Variants in ATP8A1 observed in about 807,000 individuals in gnomAD.
The protein encoded by ATP8A1 is phospholipid-transporting ATPase IA.
In ATP8A1, 90 loss-of-function variants were observed where a neutral mutation model predicts 177.7. The ratio of observed to expected loss-of-function variants is 0.51; its 90% CI spans 0.43 to 0.60. The LOEUF is 0.60. ATP8A1 is among the 20% of genes least tolerant of loss of function. The pLI is 0.00. For missense variants in ATP8A1, 1,072 were observed against 1,392.8 expected (o/e 0.77, Z 3.67); for synonymous variants, 493 against 485.9 (o/e 1.01, Z -0.19).
intron 25 of ATP8A1, among the ~76,000 whole-genome samples, chr4:42,477,994 C>A (rs1721260342): frequency 6.6e-6 from 1 of 151,562 alleles, no homozygotes; most frequent in Non-Finnish European, 1.5e-5. Flanking sequence ...AAAACAAAAA[C>A]AAACAAAAAA....
chr4:42,448,401 C>CTTTTCTTTTTTTTT (rs1553875016), intron 30 of ATP8A1, among the ~76,000 whole-genome samples: 15 of 99,556 alleles, frequency 1.5e-4, no homozygotes, highest in African/African-American at 4.8e-4. Context: ...TCTTTCTTTT[C>CTTTTCTTTTTTTTT]TTTTTTTTTT....
intron 27 of ATP8A1, among the ~76,000 whole-genome samples, chr4:42,461,607 A>T (rs999916781): frequency 6.6e-6 from 1 of 152,098 alleles, no homozygotes; most frequent in Non-Finnish European, 1.5e-5. Context: ...TCTTTTGTAA[A>T]TTGCCCAGTT....
At chr4:42,616,007 G>C in intron 5 of ATP8A1, 26 bp downstream of exon 5, 1 of 1,581,464 alleles carries the variant, frequency 6.3e-7, no homozygotes, top group Non-Finnish European at 8.7e-7. Context: ...TGACAAATAT[G>C]AGAAAAAAGC....
intron 9 of ATP8A1, among the ~76,000 whole-genome samples, chr4:42,585,842 A>G (rs546529165): frequency 6.6e-6 from 1 of 152,256 alleles, no homozygotes; most frequent in South Asian, 2.1e-4. Flanking sequence ...AAAAGAGATG[A>G]GATGACTATA....
At chr4:42,465,900 C>G (rs1280608313) in intron 25 of ATP8A1, among the ~76,000 whole-genome samples, 5 of 151,588 alleles carry the variant, frequency 3.3e-5, no homozygotes, top group Non-Finnish European at 7.4e-5. Context: ...GGCGTGGTGG[C>G]GGGCGCCTGT....
At chr4:42,496,792 ATGCACATATAC>A (rs1342679490) in intron 24 of ATP8A1, among the ~76,000 whole-genome samples, 1 of 98,578 alleles carries the variant, frequency 1.0e-5, no homozygotes, top group Non-Finnish European at 2.0e-5. Context: ...ATACACATAT[ATGCACATATAC>A]CCCCCCCCAC....
rs192547944 is a variant in ATP8A1, at chr4:42,461,516, C to T, written c.2619+3174G>A. 7.7e-4 allele frequency among the ~76,000 whole-genome samples: 118 copies of T among 152,266 alleles called. 1 individual carries two copies. Among genetic ancestry groups the T allele is most frequent in the African/African-American group, 2.8e-3 (115 of 41,558 alleles). ...TTTGCCTGCTGCCACCCATGTAAGA[C>T]GTGACTTGTTCCTCCTTGCCTTCCA... On this transcript the variant is annotated intron_variant, in intron 27 of 36. Transcript: ENST00000381668.
chr4:42,412,827 A>C lies in ATP8A1; in HGVS notation c.*89T>G. 9.4e-7 allele frequency: 1 copy of C among 1,058,950 alleles called. No homozygotes were observed. Among genetic ancestry groups the C allele is most frequent in the Non-Finnish European group, 1.4e-6 (1 of 697,444 alleles). 65.6% of individuals were successfully genotyped at this position (1,058,950 alleles called of 1,614,324 possible). On this transcript the variant is annotated 3_prime_UTR_variant, in exon 37 of 37. Transcript: ENST00000381668. ...TCAGATCTACCTTTCCTCTTCATGGACCAGACTGGAATTGGTTAGCAGACT... is the reference window on the plus strand; with the variant it reads ...TCAGATCTACCTTTCCTCTTCATGGCCCAGACTGGAATTGGTTAGCAGACT...
chr4:42,458,487 C>CA (rs1244164874), intron 27 of ATP8A1, among the ~76,000 whole-genome samples: 2 of 152,078 alleles, frequency 1.3e-5, no homozygotes, highest in Non-Finnish European at 2.9e-5. Flanking sequence ...TCAGACATAT[C>CA]AGAGAAATAA....
intron 4 of ATP8A1, among the ~76,000 whole-genome samples, chr4:42,621,646 A>G (rs570031332): frequency 6.6e-6 from 1 of 152,352 alleles, no homozygotes; most frequent in African/African-American, 2.4e-5. Context: ...ATACAGCTCA[A>G]AGCAATTTAC....
intron 9 of ATP8A1, among the ~76,000 whole-genome samples, chr4:42,582,975 G>C (rs1345222268): frequency 6.6e-6 from 1 of 151,970 alleles, no homozygotes; most frequent in East Asian, 1.9e-4. Context: ...AGAGAAAAAA[G>C]GTCAAATATA....
chr4:42,476,352 C>T (rs1215804492), intron 25 of ATP8A1, among the ~76,000 whole-genome samples: 1 of 152,134 alleles, frequency 6.6e-6, no homozygotes, highest in East Asian at 1.9e-4. Flanking sequence ...GTGGGTCATG[C>T]CTGTCATCCC....
chr4:42,552,574 T>G lies in ATP8A1; in HGVS notation c.1450A>C (p.Met484Leu). 1 of 1,613,804 alleles carries G rather than the reference T, an allele frequency of 6.2e-7. No homozygotes were observed. The highest frequency in any genetic ancestry group is 8.5e-7 in the Non-Finnish European group (1 of 1,179,922). ...APIICEFLTMMAVCHTAVPER... is the reference protein window; with the variant it reads ...APIICEFLTMLAVCHTAVPER... The stretch of plus-strand genomic sequence containing the variant: ...GGCACTGCTGTGTGACAGACTGCCA[T>G]CATTGTAAGAAATTCACATATTATA... Residue 484 changes from methionine to leucine, a missense_variant, in exon 17 of 37, where the codon ATG becomes CTG. Met to Leu is a conservative substitution (Grantham distance 15). This residue lies in a region of ATP8A1 where 388 missense variants were observed against 471.7 expected (regional missense o/e 0.82). Coordinates refer to ENST00000381668, the MANE Select transcript of ATP8A1 (RefSeq NM_006095.2).
Position 42,412,283 on chromosome 4 carries a change from A to G in ATP8A1, c.*633T>C, listed in dbSNP as rs1712707947. The G allele has an allele frequency of 6.6e-6, 1 of 152,228 alleles. No homozygotes were observed. The allele number at this position is 152,228 out of a possible 1,614,324, so 9.4% of individuals were successfully genotyped here. A position where few individuals can be genotyped will look rare whatever the true frequency, so the allele number is the denominator to read the frequency against. On this transcript the variant is annotated 3_prime_UTR_variant, in exon 37 of 37. Coordinates refer to ENST00000381668, the MANE Select transcript of ATP8A1 (RefSeq NM_006095.2). ...TTTTGTAAATCACTCTTACATTTGG[A>G]AAGTCAGGCATGCAGATCTTACAGC...
chr4:42,476,180 G>C (rs1322277696), intron 25 of ATP8A1, among the ~76,000 whole-genome samples: 2 of 152,190 alleles, frequency 1.3e-5, no homozygotes, highest in African/African-American at 2.4e-5. Flanking sequence ...AAGAAGAGTG[G>C]ATTGTTTAGT....
chr4:42,422,921 G>A (rs775178351), intron 34 of ATP8A1, 22 bp from the exon 35 acceptor site: 2 of 1,566,266 alleles, frequency 1.3e-6, no homozygotes, highest in South Asian at 1.1e-5. Context: ...AAAAAAAAGG[G>A]ATTTGCATGG....
At chr4:42,581,385 G>A (rs1209991145) in intron 10 of ATP8A1, among the ~76,000 whole-genome samples, 1 of 152,144 alleles carries the variant, frequency 6.6e-6, no homozygotes, top group East Asian at 1.9e-4. Flanking sequence ...CGCCCGCCTT[G>A]GCCTCCCAAA....
intron 12 of ATP8A1, among the ~76,000 whole-genome samples, chr4:42,576,969 G>A (rs1732525764): frequency 6.6e-6 from 1 of 152,106 alleles, no homozygotes; most frequent in Admixed American, 6.6e-5. Context: ...AGATCCATTG[G>A]GAAGAACCAG....
rs3792687 is a variant in ATP8A1 at position 42,507,084 on chromosome 4, G to A, written c.2018C>T (p.Thr673Met). The A allele has an allele frequency of 1.9e-3, 3,071 of 1,613,906 alleles. 84 individuals carry two copies. The East Asian group carries it at 0.061, about 32-fold the overall frequency. Residue 673 changes from threonine (T) to methionine (M), a missense_variant, in exon 23 of 37, where the codon ACG (threonine) becomes ATG (methionine). Thr to Met is a moderately conservative substitution (Grantham distance 81, BLOSUM62 -1). Around this residue, in one of 5 missense-constraint regions of ATP8A1, gnomAD observed 388 missense variants for 471.7 expected, o/e 0.82. Transcript: ENST00000381668. ...GATTTTGATGTCTGCTTTCATTAGC[G>A]TTTCTATGGTTTCAGGCACTTGATC... ...LQDQVPETIE[T>M]LMKADIKIWI...
Sources: gnomAD v4.1 joint callset for allele counts (sites outside exome capture counted in the v4.1 genomes callset) on GRCh38, gnomAD v4.1.1 for gene constraint, gnomAD v4.1.1 regional missense constraint, MANE v1.5 for transcripts, NCBI Gene and HGNC (gene_info 2026-07-23, HGNC 2026-07-21) for gene names.